The following SORCS2 variants were observed in gnomAD, a reference collection of about 807,000 sequenced individuals.
The protein encoded by SORCS2 is VPS10 domain-containing receptor SorCS2.
In SORCS2, 100 loss-of-function variants were observed where a neutral mutation model predicts 141.6. That is an observed-to-expected ratio of 0.71 (90% confidence interval 0.60 to 0.83). SORCS2 has a LOEUF of 0.83. Among genes scored for constraint, SORCS2 ranks in the 40% least tolerant of loss-of-function variants. The pLI is 0.00. For missense variants in SORCS2, 1,646 were observed against 1,560.2 expected (o/e 1.05, Z -0.93); for synonymous variants, 789 against 676.9 (o/e 1.17, Z -2.57).
At chr4:7,569,612 A>G (rs1298137640) in intron 3 of SORCS2, among the ~76,000 whole-genome samples, 4 of 152,224 alleles carry the variant, frequency 2.6e-5, no homozygotes, top group East Asian at 1.9e-4. Context: ...TGCAGAGAAC[A>G]TGTGTGTGTG....
Position 7,192,598 on chromosome 4 carries a change from C to G in SORCS2, c.-49C>G. 4 of 987,306 alleles carry G rather than the reference C, an allele frequency of 4.1e-6. No homozygotes were observed. The highest frequency in any genetic ancestry group is 4.5e-5 in the South Asian group (1 of 22,088). The allele number at this position is 987,306 out of a possible 1,614,324, so 61.2% of individuals were successfully genotyped here. A position where few individuals can be genotyped will look rare whatever the true frequency, so the allele number is the denominator to read the frequency against. On this transcript the variant is annotated 5_prime_UTR_variant, in exon 1 of 27. Coordinates refer to ENST00000507866, the MANE Select transcript of SORCS2 (RefSeq NM_020777.3). The surrounding 1 kb of genome is among the most constrained non-coding windows in gnomAD (Gnocchi z 4.0). ...CCTCCTGCTCTCCCGGCCGCGGTCC[C>G]CTCGTCCGCGCCGCCCCGCCGCCGG...
At position 7,349,717 on chromosome 4, in the gene SORCS2, G is replaced by A. The variant is rs544685813; in HGVS notation, c.481-46571G>A. 1.1e-4 allele frequency among the ~76,000 whole-genome samples: 17 copies of A among 152,294 alleles called. No homozygotes were observed. The South Asian group carries it at 3.1e-3, about 28-fold the overall frequency. On this transcript the variant is annotated intron_variant, in intron 1 of 26. Coordinates refer to ENST00000507866, the MANE Select transcript of SORCS2 (RefSeq NM_020777.3). ...GGCCACACCAGTGCCCAGGTGCTGC[G>A]GAGGTCCAGGCCTGGCCTTTTGTTG... is the stretch of plus-strand genomic sequence containing the variant.
chr4:7,278,376 C>T (rs1715650499), intron 1 of SORCS2, among the ~76,000 whole-genome samples: 1 of 151,740 alleles, frequency 6.6e-6, no homozygotes, highest in Admixed American at 6.6e-5. Flanking sequence ...CCTCAGGCAT[C>T]ACAGGGCTTT....
intron 1 of SORCS2, among the ~76,000 whole-genome samples, chr4:7,230,871 G>A (rs970186361): frequency 1.3e-5 from 2 of 151,666 alleles, no homozygotes; most frequent in Non-Finnish European, 2.9e-5. Flanking sequence ...TCAAGCCTTC[G>A]AGTCTCTGGG....
intron 3 of SORCS2, among the ~76,000 whole-genome samples, chr4:7,560,725 C>A (rs964542193): frequency 6.6e-6 from 1 of 152,186 alleles, no homozygotes; most frequent in Non-Finnish European, 1.5e-5. Flanking sequence ...CTTACCCATC[C>A]TCAAGCCTGC....
chr4:7,281,805 G>T (rs1715903604), intron 1 of SORCS2, among the ~76,000 whole-genome samples: 1 of 152,158 alleles, frequency 6.6e-6, no homozygotes, highest in African/African-American at 2.4e-5. Flanking sequence ...CACAGCCGGG[G>T]CCTCTGAAGT....
chr4:7,307,598 C>G (rs577796025), intron 1 of SORCS2, among the ~76,000 whole-genome samples: 1 of 152,342 alleles, frequency 6.6e-6, no homozygotes, highest in East Asian at 1.9e-4. Flanking sequence ...GCAATTCCTT[C>G]CTTTTGGATT....
chr4:7,374,805 C>T (rs751373343), intron 1 of SORCS2, among the ~76,000 whole-genome samples: 7 of 152,202 alleles, frequency 4.6e-5, no homozygotes, highest in Non-Finnish European at 7.3e-5. Flanking sequence ...GTGCTCCCTC[C>T]AGCCTCTCTG....
chr4:7,664,853 A>G lies in SORCS2; in HGVS notation c.1071+382A>G, dbSNP rs1222271998. On this transcript the variant is annotated intron_variant, in intron 7 of 26. Transcript: ENST00000507866. The surrounding 1 kb of genome is among the most constrained non-coding windows in gnomAD (Gnocchi z 4.7). ...ACCGGCTATCCACAGCCCTGTGACCAGGACTCTGCTGCCTGTGCCCTCAGG... is the reference window on the plus strand; with the variant it reads ...ACCGGCTATCCACAGCCCTGTGACCGGGACTCTGCTGCCTGTGCCCTCAGG... 6.6e-6 allele frequency among the ~76,000 whole-genome samples: 1 copy of G among 152,332 alleles called. No homozygotes were observed. The highest frequency in any genetic ancestry group is 1.5e-5 in the Non-Finnish European group (1 of 68,030).
At chr4:7,549,718 C>T (rs1004816630) in intron 3 of SORCS2, among the ~76,000 whole-genome samples, 8 of 152,204 alleles carry the variant, frequency 5.3e-5, no homozygotes, top group African/African-American at 7.2e-5. Flanking sequence ...GCCCACAGCC[C>T]GCTGCGCACA....
intron 1 of SORCS2, among the ~76,000 whole-genome samples, chr4:7,326,181 G>T (rs1321019032): frequency 3.3e-5 from 5 of 152,114 alleles, no homozygotes; most frequent in Non-Finnish European, 5.9e-5. Flanking sequence ...GTGGGGATGG[G>T]AGGCTCCAGG....
intron 5 of SORCS2, among the ~76,000 whole-genome samples, chr4:7,654,933 C>T (rs1347206914): frequency 6.6e-6 from 1 of 152,128 alleles, no homozygotes; most frequent in Non-Finnish European, 1.5e-5. Flanking sequence ...TCTCAGTGTG[C>T]CCCCTGAGCA....
At chr4:7,326,678 G>C (rs548390476) in intron 1 of SORCS2, among the ~76,000 whole-genome samples, 1 of 152,230 alleles carries the variant, frequency 6.6e-6, no homozygotes, top group Non-Finnish European at 1.5e-5. Context: ...TGACAGCCTC[G>C]CCGCCAGGGC....
At chr4:7,280,067 T>C (rs981972536) in intron 1 of SORCS2, among the ~76,000 whole-genome samples, 1 of 152,198 alleles carries the variant, frequency 6.6e-6, no homozygotes, top group Non-Finnish European at 1.5e-5. Flanking sequence ...TTCACGGTGC[T>C]GTGAAGTGAT....
chr4:7,725,058 A>C (rs1013336282), intron 19 of SORCS2, 96 bp from the exon 20 acceptor site: 2 of 1,326,832 alleles, frequency 1.5e-6, no homozygotes, highest in Non-Finnish European at 2.1e-6. Flanking sequence ...TGGTGATGAT[A>C]GCAATGAAGT....
chr4:7,385,390 A>G (rs1171300148), intron 1 of SORCS2, among the ~76,000 whole-genome samples: 1 of 152,162 alleles, frequency 6.6e-6, no homozygotes, highest in Admixed American at 6.5e-5. Flanking sequence ...TTCCTCAGGG[A>G]CCACAGGATG....
intron 3 of SORCS2, among the ~76,000 whole-genome samples, chr4:7,541,029 C>G (rs998349929): frequency 6.6e-6 from 1 of 152,244 alleles, no homozygotes; most frequent in Non-Finnish European, 1.5e-5. Context: ...CAAACTATCC[C>G]TTCTGTCTCT....
chr4:7,339,665 A>G (rs1221521629), intron 1 of SORCS2, among the ~76,000 whole-genome samples: 2 of 152,098 alleles, frequency 1.3e-5, no homozygotes, highest in East Asian at 3.9e-4. Flanking sequence ...TTTTACCTTG[A>G]TCCCTTCTGT....
intron 2 of SORCS2, among the ~76,000 whole-genome samples, chr4:7,398,300 G>A (rs1724351113): frequency 6.6e-6 from 1 of 152,218 alleles, no homozygotes; most frequent in South Asian, 2.1e-4. Flanking sequence ...CAAGGGTGGG[G>A]TGGTGGGGAC....
Sources: gnomAD v4.1 joint callset for allele counts (sites outside exome capture counted in the v4.1 genomes callset) on GRCh38, gnomAD v4.1.1 for gene constraint, Gnocchi (gnomAD v3.1) non-coding constraint, MANE v1.5 for transcripts, NCBI Gene and HGNC (gene_info 2026-07-23, HGNC 2026-07-21) for gene names.